The following LNX1 variants were observed in gnomAD, a reference collection of about 807,000 sequenced individuals.
LNX1 encodes the protein E3 ubiquitin-protein ligase LNX.
A neutral mutation model predicts 68.4 loss-of-function variants in LNX1; 54 were observed. That is an observed-to-expected ratio of 0.79 (90% CI 0.63 to 0.99). The LOEUF (loss-of-function observed/expected upper bound fraction) is 0.99, where lower values mean the gene tolerates loss of function less well. LNX1 is among the 50% of genes least tolerant of loss of function. The pLI is 0.00. For missense variants in LNX1, 906 were observed against 926.4 expected (o/e 0.98, Z 0.29); for synonymous variants, 336 against 350.0 (o/e 0.96, Z 0.45).
intron 6 of LNX1, among the ~76,000 whole-genome samples, chr4:53,486,526 C>G (rs1250739988): frequency 6.6e-6 from 1 of 152,206 alleles, no homozygotes; most frequent in South Asian, 2.1e-4. Context: ...AGACAACACA[C>G]TGGGAACCTT....
At chr4:53,486,375 T>TC (rs1165735553) in intron 6 of LNX1, among the ~76,000 whole-genome samples, 1 of 152,148 alleles carries the variant, frequency 6.6e-6, no homozygotes, top group Non-Finnish European at 1.5e-5. Flanking sequence ...GCATGCCACT[T>TC]CACCCAGCAT....
At chr4:53,554,239 C>G (rs770070633) in intron 2 of LNX1, among the ~76,000 whole-genome samples, 1 of 152,206 alleles carries the variant, frequency 6.6e-6, no homozygotes, top group African/African-American at 2.4e-5. Flanking sequence ...ACTCTCTCCC[C>G]TATATGTAAG....
chr4:53,511,513 C>T (rs1726337628), intron 2 of LNX1, among the ~76,000 whole-genome samples: 2 of 152,152 alleles, frequency 1.3e-5, no homozygotes, highest in Admixed American at 1.3e-4. Context: ...AACCCCTTTT[C>T]AACCAAAGCA....
chr4:53,609,779 A>AT (rs1485534189), intron 2 of LNX1, among the ~76,000 whole-genome samples: 3 of 144,410 alleles, frequency 2.1e-5, no homozygotes, highest in Non-Finnish European at 4.5e-5. Context: ...TATTATATAT[A>AT]ATATATTATT....
chr4:53,629,601 C>T (rs1734195158), intron 1 of LNX1, among the ~76,000 whole-genome samples: 1 of 152,178 alleles, frequency 6.6e-6, no homozygotes, highest in South Asian at 2.1e-4. Flanking sequence ...AGTGGCAAAG[C>T]CATTTGGCCA....
At chr4:53,537,409 T>C (rs1159780725) in intron 2 of LNX1, among the ~76,000 whole-genome samples, 1 of 152,188 alleles carries the variant, frequency 6.6e-6, no homozygotes, top group East Asian at 1.9e-4. Flanking sequence ...AGTTCATGGA[T>C]GGAGAAGGGA....
chr4:53,558,264 G>A, intron 2 of LNX1: 2 of 1,190,156 alleles, frequency 1.7e-6, no homozygotes, highest in East Asian at 5.1e-5. Context: ...CCCTCCTGCA[G>A]GATGCGGACT....
chr4:53,587,106 A>G (rs866629021), intron 1 of LNX1, among the ~76,000 whole-genome samples: 1 of 152,236 alleles, frequency 6.6e-6, no homozygotes. Context: ...GCAACCTACT[A>G]CATTTTCGGA....
At chr4:53,643,386 G>C (rs896582215) in intron 1 of LNX1, among the ~76,000 whole-genome samples, 47 of 152,234 alleles carry the variant, frequency 3.1e-4, no homozygotes, top group African/African-American at 1.1e-3. Flanking sequence ...CCGGGCTCAA[G>C]TGATCCTCCC....
At chr4:53,650,387 A>C (rs1735051421) in intron 1 of LNX1, among the ~76,000 whole-genome samples, 1 of 152,184 alleles carries the variant, frequency 6.6e-6, no homozygotes, top group Admixed American at 6.5e-5. Context: ...GGCAGGGGAC[A>C]GTGGTCATGA....
intron 1 of LNX1, among the ~76,000 whole-genome samples, chr4:53,633,514 G>T (rs557941514): frequency 1.2e-3 from 182 of 152,248 alleles, no homozygotes; most frequent in Non-Finnish European, 1.9e-3. Context: ...TGTTCCGTGG[G>T]CTATGGCCAG....
intron 1 of LNX1, among the ~76,000 whole-genome samples, chr4:53,651,128 G>C (rs1225494310): frequency 6.6e-6 from 1 of 152,152 alleles, no homozygotes; most frequent in African/African-American, 2.4e-5. Flanking sequence ...AATTCCTCAG[G>C]CTATGCTCCT....
At chr4:53,502,934 C>CT (rs34766553) in intron 4 of LNX1, among the ~76,000 whole-genome samples, 2 of 144,086 alleles carry the variant, frequency 1.4e-5, no homozygotes, top group Middle Eastern at 3.6e-3. Flanking sequence ...TTGGTCATAT[C>CT]TTTTTTTTTT....
intron 9 of LNX1, among the ~76,000 whole-genome samples, chr4:53,463,115 T>C (rs1333926299): frequency 6.6e-6 from 1 of 152,080 alleles, no homozygotes; most frequent in Non-Finnish European, 1.5e-5. Flanking sequence ...GATAAATGAG[T>C]ATACTTTTAC....
At chr4:53,541,860 G>C (rs1728787834) in intron 2 of LNX1, among the ~76,000 whole-genome samples, 1 of 152,176 alleles carries the variant, frequency 6.6e-6, no homozygotes, top group Non-Finnish European at 1.5e-5. Context: ...AGATAGCTTT[G>C]TAATAAGTGA....
chr4:53,512,174 G>A (rs140550729), intron 2 of LNX1, among the ~76,000 whole-genome samples: 6 of 152,216 alleles, frequency 3.9e-5, no homozygotes, highest in African/African-American at 9.6e-5. Flanking sequence ...AGGACACAGT[G>A]GCTGCTCCAC....
At chr4:53,574,160 A>G in intron 1 of LNX1, 72 bp from the exon 2 acceptor site, 1 of 1,139,672 alleles carries the variant, frequency 8.8e-7, no homozygotes, top group East Asian at 2.6e-5. Flanking sequence ...TAGACATGAG[A>G]CAGGGCTGCC....
chr4:53,503,683 T>G (rs190689030), intron 4 of LNX1, among the ~76,000 whole-genome samples: 1 of 152,334 alleles, frequency 6.6e-6, no homozygotes, highest in Admixed American at 6.5e-5. Context: ...AAATGATAAA[T>G]GAGCACTGGA....
At chr4:53,506,840 CA>C (rs1725914010) in intron 4 of LNX1, among the ~76,000 whole-genome samples, 1 of 51,850 alleles carries the variant, frequency 1.9e-5, no homozygotes, top group African/African-American at 6.1e-5. Context: ...GCCTGGGCGA[CA>C]AGCAAAACTC....
Sources: allele counts gnomAD v4.1 joint callset (sites outside exome capture counted in the v4.1 genomes callset), GRCh38; gene constraint gnomAD v4.1.1; transcripts MANE v1.5; gene names NCBI Gene and HGNC (gene_info 2026-07-23, HGNC 2026-07-21).